The following BOP1 variants were observed in gnomAD, a reference collection of about 807,000 sequenced individuals.
The protein encoded by BOP1 is ribosome biogenesis protein BOP1.
BOP1 carries 54 observed loss-of-function variants against 82.9 expected under a neutral mutation model. The observed-to-expected ratio is 0.65, with a 90% CI of 0.52 to 0.82. The LOEUF (loss-of-function observed/expected upper bound fraction) is 0.82, where lower values mean the gene tolerates loss of function less well. Among genes scored for constraint, BOP1 ranks in the 40% least tolerant of loss-of-function variants. BOP1 has a pLI of 0.00. For missense variants in BOP1, 1,170 were observed against 1,072.0 expected (o/e 1.09, Z -1.28); for synonymous variants, 566 against 451.1 (o/e 1.25, Z -3.23).
chr8:144,287,510 A>AT (rs1336905873), intron 2 of BOP1, among the ~76,000 whole-genome samples: 6 of 149,884 alleles, frequency 4.0e-5, no homozygotes, highest in Non-Finnish European at 5.9e-5. Context: ...TTATCTCATA[A>AT]TTTTTTTTTG....
chr8:144,279,183 C>T (rs116313974), intron 2 of BOP1, among the ~76,000 whole-genome samples: 1,654 of 151,008 alleles, frequency 0.011, 38 homozygotes, highest in African/African-American at 0.039. Flanking sequence ...GGTCTCAAGA[C>T]CATCATGGGT....
At chr8:144,266,722 G>A (rs1417770169) in intron 3 of BOP1, 28 of 1,187,440 alleles carry the variant, frequency 2.4e-5, no homozygotes, top group South Asian at 1.7e-5. Flanking sequence ...GGGCTCCGAC[G>A]AGAAACCCTG....
chr8:144,283,478 A>G (rs1814774592), intron 2 of BOP1, among the ~76,000 whole-genome samples: 1 of 152,144 alleles, frequency 6.6e-6, no homozygotes, highest in African/African-American at 2.4e-5. Flanking sequence ...TGCCTGGCTC[A>G]TTTTTTAAAT....
chr8:144,264,818 C>G lies in BOP1; in HGVS notation c.559G>C (p.Asp187His). The G allele has an allele frequency of 6.2e-7, 1 of 1,609,518 alleles. No individual in the cohort carries two copies. The highest frequency in any genetic ancestry group is 1.1e-5 in the South Asian group (1 of 90,806). The change falls in exon 5 of 16, where the codon GAC (aspartate) becomes CAC (histidine). Residue 187 changes from aspartate (D) to histidine (H), a missense_variant. Physicochemically the swap from Asp to His is moderately conservative, Grantham distance 81. Transcript: ENST00000569669. ...DDPDYWRTVQ[D>H]PMTGRDLRLT... ...CTCAGGTCCCGCCCTGTCATCGGGT[C>G]CTGCACGGTGCGCCTGGAGACCGCC...
chr8:144,284,095 C>T (rs142333465), intron 2 of BOP1, among the ~76,000 whole-genome samples: 15 of 152,034 alleles, frequency 9.9e-5, no homozygotes, highest in East Asian at 1.9e-4. Context: ...CCAGCCTGGG[C>T]GACAGAGCGA....
chr8:144,268,463 C>CA, intron 3 of BOP1: 1 of 516,308 alleles, frequency 1.9e-6, no homozygotes, highest in Admixed American at 3.6e-5. Flanking sequence ...TAATTAAAAA[C>CA]AAAACAGTAT....
chr8:144,278,724 A>G (rs7832562), intron 2 of BOP1, among the ~76,000 whole-genome samples: 7,284 of 152,208 alleles, frequency 0.048, 589 homozygotes, highest in African/African-American at 0.17. Context: ...CCCCACACCC[A>G]GCACCTCAGC....
At chr8:144,269,827 G>A (rs1050197612) in intron 3 of BOP1, among the ~76,000 whole-genome samples, 5 of 152,092 alleles carry the variant, frequency 3.3e-5, no homozygotes, top group South Asian at 2.1e-4. Context: ...CCCCCGCCCC[G>A]CCACCCTCCC....
intron 3 of BOP1, among the ~76,000 whole-genome samples, chr8:144,267,578 G>C (rs1366474070): frequency 6.6e-6 from 1 of 152,274 alleles, no homozygotes; most frequent in African/African-American, 2.4e-5. Flanking sequence ...GAAGGACCCC[G>C]GGTTCTTAGC....
chr8:144,266,012 G>C (rs1845353887), intron 3 of BOP1: 1 of 152,338 alleles, frequency 6.6e-6, no homozygotes, highest in African/African-American at 2.4e-5. Context: ...GAGAGACTGA[G>C]CTCTAGGCCC....
intron 3 of BOP1, among the ~76,000 whole-genome samples, chr8:144,272,550 G>A (rs960451125): frequency 2.6e-5 from 4 of 151,934 alleles, no homozygotes; most frequent in South Asian, 2.1e-4. Flanking sequence ...CAAAGCCTCC[G>A]CTCAAGAGCC....
rs11353637 is a variant in BOP1, at chr8:144,290,338, CAAAAAAA to C, written c.99+927_99+933del. 1.7e-4 allele frequency among the ~76,000 whole-genome samples: 21 copies of C among 126,132 alleles called. 1 individual carries two copies. The highest frequency in any genetic ancestry group is 7.6e-4 in the South Asian group (3 of 3,966). 82.7% of individuals were successfully genotyped at this position (126,132 alleles called of 152,430 possible). A position where few individuals can be genotyped will look rare whatever the true frequency, so the allele number is the denominator to read the frequency against. On this transcript the variant is annotated intron_variant, in intron 1 of 15. Transcript: ENST00000569669. ...TGGGCAACAGAGCCAGGCTCTGTCT[CAAAAAAA>C]AAAAAAAGAAAAAAGAAAGAAAAGG...
At position 144,264,428 on chromosome 8, in the gene BOP1, T is replaced by C. The variant is rs1370378589; in HGVS notation, c.775A>G (p.Met259Val). 1.1e-5 allele frequency: 17 copies of C among 1,603,094 alleles called. No homozygotes were observed. Among genetic ancestry groups the C allele is most frequent in the African/African-American group, 2.7e-5 (2 of 74,840 alleles). ...SLVEKEKVSR[M>V]VHAIKMGWIQ... ...CAGCCCATCTTGATGGCGTGCACCA[T>C]GCGAGAGACCTGCATAGACAGCCGG... The change falls in exon 7 of 16, where the codon ATG (methionine) becomes GTG (valine). Residue 259 changes from methionine to valine, a missense_variant. By Grantham distance (21) the Met-to-Val change is conservative. Transcript: ENST00000569669.
At position 144,262,068 on chromosome 8, in the gene BOP1, C is replaced by T; in HGVS notation, c.*96G>A. 2 of 1,572,622 alleles carry T rather than the reference C, an allele frequency of 1.3e-6. No individual in the cohort carries two copies. Among genetic ancestry groups the T allele is most frequent in the Non-Finnish European group, 8.7e-7 (1 of 1,154,614 alleles). Reference sequence around the variant, plus strand: ...GCTGTGGTGGGGGCGGCTTTGTTGGCAACCCCAATTCAAGAAGGTGGGAGC... The same window carrying T: ...GCTGTGGTGGGGGCGGCTTTGTTGGTAACCCCAATTCAAGAAGGTGGGAGC... On this transcript the variant is annotated 3_prime_UTR_variant, in exon 16 of 16. Coordinates refer to ENST00000569669, the MANE Select transcript of BOP1 (RefSeq NM_015201.5).
At chr8:144,286,658 C>T (rs957015776) in intron 2 of BOP1, among the ~76,000 whole-genome samples, 5 of 152,244 alleles carry the variant, frequency 3.3e-5, no homozygotes, top group Admixed American at 6.5e-5. Flanking sequence ...GGTGCATGAG[C>T]GCCACAACAG....
chr8:144,286,114 C>T (rs1814861349), intron 2 of BOP1, among the ~76,000 whole-genome samples: 1 of 152,220 alleles, frequency 6.6e-6, no homozygotes, highest in Non-Finnish European at 1.5e-5. Context: ...AGTGGCCGCT[C>T]AGCAGGCCAA....
At chr8:144,275,010 GTC>G in intron 3 of BOP1, among the ~76,000 whole-genome samples, 1 of 152,084 alleles carries the variant, frequency 6.6e-6, no homozygotes, top group Non-Finnish European at 1.5e-5. Flanking sequence ...ATTTTGTTTT[GTC>G]TCTGTTCTCT....
rs11539689 is a variant in BOP1 at position 144,263,077 on chromosome 8, C to T, written c.1670G>A (p.Gly557Asp). ...DYLAVVLATQGHTQVLIHQLS... is the reference protein window; with the variant it reads ...DYLAVVLATQDHTQVLIHQLS... ...CTGGTGAATCAGCACCTGGGTGTGG[C>T]CTTGGGTGGCCAGCACCACGGCCAG... The change falls in exon 13 of 16, where the codon GGC (glycine) becomes GAC (aspartate). Residue 557 changes from glycine (G) to aspartate (D), a missense_variant. Transcript: ENST00000569669. The T allele has an allele frequency of 6.3e-7, 1 of 1,589,056 alleles. No individual in the cohort carries two copies. Among genetic ancestry groups the T allele is most frequent in the Non-Finnish European group, 8.5e-7 (1 of 1,176,758 alleles).
intron 2 of BOP1, among the ~76,000 whole-genome samples, chr8:144,284,754 G>A (rs1814818037): frequency 6.6e-6 from 1 of 152,202 alleles, no homozygotes; most frequent in African/African-American, 2.4e-5. Flanking sequence ...GCTGCTCACT[G>A]AATGCCACGT....
Sources: allele counts gnomAD v4.1 joint callset (sites outside exome capture counted in the v4.1 genomes callset), GRCh38; gene constraint gnomAD v4.1.1; transcripts MANE v1.5; gene names NCBI Gene and HGNC (gene_info 2026-07-23, HGNC 2026-07-21).